CBR4: variants seen among roughly 807,000 people sequenced by gnomAD.
CBR4 encodes the protein carbonyl reductase 4.
In CBR4, 22 loss-of-function variants were observed where a neutral mutation model predicts 21.0. The observed-to-expected ratio is 1.05, with a 90% CI of 0.75 to 1.50. The LOEUF (loss-of-function observed/expected upper bound fraction) is 1.50. Ranked by LOEUF, CBR4 falls within the 40% of genes most tolerant of loss-of-function variation. The pLI is 0.00. For synonymous variants in CBR4, 100 were observed against 104.4 expected, an observed-to-expected ratio of 0.96 and a Z score of 0.26; for missense variants, 302 against 286.3, an observed-to-expected ratio of 1.05 and a Z score of -0.40.
chr4:168,956,591 C>T (rs1260113052), intron 2 of CBR4, among the ~76,000 whole-genome samples: 4 of 115,124 alleles, frequency 3.5e-5, no homozygotes, highest in Non-Finnish European at 6.9e-5. Flanking sequence ...CAGCCAGACC[C>T]TGTCTCAAAA....
At position 169,010,045 on chromosome 4, in the gene CBR4, G is replaced by C; in HGVS notation, c.45C>G (p.Gly15=). 3 of 1,613,908 alleles carry C rather than the reference G, an allele frequency of 1.9e-6. No individual in the cohort carries two copies. The highest frequency in any genetic ancestry group is 2.5e-6 in the Non-Finnish European group (3 of 1,179,972). ...GGGCCATTAACTGGGCCACAGCTCT[G>C]CCAATGCCTCGGGAGCCTCCAAAAA... ...CAVFGGSRGI[G]RAVAQLMARK... Residue 15 remains glycine, a synonymous_variant, in exon 1 of 5, where the codon GGC becomes GGG. Coordinates refer to ENST00000306193, the MANE Select transcript of CBR4 (RefSeq NM_032783.5).
intron 4 of CBR4, among the ~76,000 whole-genome samples, chr4:168,996,024 GA>G (rs1407296058): frequency 3.9e-5 from 6 of 152,160 alleles, no homozygotes; most frequent in Admixed American, 6.5e-5. Flanking sequence ...CACCTCGAAT[GA>G]AAAGTCTCCC....
chr4:168,973,952 T>G (rs1181411158), intron 2 of CBR4, among the ~76,000 whole-genome samples: 1 of 152,198 alleles, frequency 6.6e-6, no homozygotes, highest in Non-Finnish European at 1.5e-5. Context: ...ACTATTCTAT[T>G]CATCATGCTA....
intron 2 of CBR4, chr4:168,927,628 A>AAAT (rs554543047): frequency 8.8e-6 from 2 of 227,370 alleles, no homozygotes; most frequent in Non-Finnish European, 1.8e-5. Flanking sequence ...TGGTAAATGA[A>AAAT]AATTATTAGT....
intron 2 of CBR4, among the ~76,000 whole-genome samples, chr4:168,919,046 T>A (rs1760853796): frequency 6.6e-6 from 1 of 152,112 alleles, no homozygotes; most frequent in South Asian, 2.1e-4. Flanking sequence ...AAATGATGGG[T>A]ATATACACAC....
chr4:168,946,891 T>G (rs1420750363), intron 2 of CBR4, among the ~76,000 whole-genome samples: 1 of 152,172 alleles, frequency 6.6e-6, no homozygotes, highest in East Asian at 1.9e-4. Flanking sequence ...CATCCCACAG[T>G]GAAGACTACT....
intron 2 of CBR4, among the ~76,000 whole-genome samples, chr4:168,961,571 A>T (rs1763854913): frequency 6.6e-6 from 1 of 152,164 alleles, no homozygotes; most frequent in African/African-American, 2.4e-5. Flanking sequence ...AAATAGCTTT[A>T]AAAACACTAT....
At chr4:168,927,846 T>G (rs372204597) in intron 2 of CBR4, 11 of 213,290 alleles carry the variant, frequency 5.2e-5, no homozygotes, top group South Asian at 3.7e-4. Context: ...GTATAAAACA[T>G]GAGGCTTTAA....
chr4:168,979,982 T>C (rs1408084185), intron 2 of CBR4, among the ~76,000 whole-genome samples: 1 of 152,060 alleles, frequency 6.6e-6, no homozygotes, highest in Non-Finnish European at 1.5e-5. Flanking sequence ...CCCCTGCTCT[T>C]CACCAGGCAG....
At chr4:168,958,004 C>T (rs1280690818) in intron 2 of CBR4, among the ~76,000 whole-genome samples, 2 of 152,138 alleles carry the variant, frequency 1.3e-5, no homozygotes, top group African/African-American at 4.8e-5. Flanking sequence ...CCCAGCCCTG[C>T]GGAACTATGA....
At chr4:168,905,394 C>T (rs917124328) in intron 2 of CBR4, among the ~76,000 whole-genome samples, 12 of 151,564 alleles carry the variant, frequency 7.9e-5, no homozygotes, top group African/African-American at 1.5e-4. Context: ...GTGATCCGCC[C>T]GCCTCGGCCT....
chr4:168,931,528 C>A (rs1200771803), intron 2 of CBR4, among the ~76,000 whole-genome samples: 2 of 152,014 alleles, frequency 1.3e-5, no homozygotes, highest in Non-Finnish European at 2.9e-5. Flanking sequence ...ATGGGGTCAA[C>A]CCCCATGGAC....
intron 2 of CBR4, among the ~76,000 whole-genome samples, chr4:168,958,195 C>T (rs1268675756): frequency 6.6e-6 from 1 of 151,454 alleles, no homozygotes; most frequent in Non-Finnish European, 1.5e-5. Context: ...ACCCAAGAGG[C>T]GGAGGTTGCA....
rs1764749607 is a variant in CBR4, at chr4:168,987,986, TG to T, written c.*2163del. ...GTTAATGCTAAGCACAGAACCCTTA[TG>T]GGCTCATAGGAGTCAGCAAACAGCT... On this transcript the variant is annotated 3_prime_UTR_variant, in exon 5 of 5. Transcript: ENST00000306193. 1.0e-6 allele frequency: 1 copy of T among 985,458 alleles called. No individual in the cohort carries two copies. Among genetic ancestry groups the T allele is most frequent in the East Asian group, 1.1e-4 (1 of 8,814 alleles). The allele number at this position is 985,458 out of a possible 1,614,324, so 61.0% of individuals were successfully genotyped here.
chr4:168,900,648 C>A (rs759237657), intron 2 of CBR4, among the ~76,000 whole-genome samples: 1 of 152,108 alleles, frequency 6.6e-6, no homozygotes, highest in Non-Finnish European at 1.5e-5. Context: ...TGAATCGCAA[C>A]GCCAAAGTCA....
chr4:168,901,718 C>A (rs1304190470), intron 2 of CBR4, among the ~76,000 whole-genome samples: 1 of 152,022 alleles, frequency 6.6e-6, no homozygotes, highest in Non-Finnish European at 1.5e-5. Context: ...ATTAGCTGAG[C>A]ATGGAGGCGC....
rs976019922 is a variant in CBR4 at position 168,989,360 on chromosome 4, C to T, written c.*790G>A. ...AAACCTTAAGGGCTAATCCTCTTCA[C>T]TTATGAGAATTTCTCAAGAATGAGT... On this transcript the variant is annotated 3_prime_UTR_variant, in exon 5 of 5. Coordinates refer to ENST00000306193, the MANE Select transcript of CBR4 (RefSeq NM_032783.5). 7 of 985,238 alleles carry T rather than the reference C, an allele frequency of 7.1e-6. No homozygotes were observed. Among genetic ancestry groups the T allele is most frequent in the Non-Finnish European group, 1.2e-6 (1 of 829,878 alleles). The allele number at this position is 985,238 out of a possible 1,614,324, so 61.0% of individuals were successfully genotyped here.
chr4:168,925,285 T>C (rs748296390), intron 2 of CBR4: 21 of 1,596,232 alleles, frequency 1.3e-5, no homozygotes, highest in Non-Finnish European at 1.8e-5. Flanking sequence ...CCAAGTATCA[T>C]TCAGGAACTT....
intron 3 of CBR4, 61 bp downstream of exon 3, chr4:169,006,694 T>G: frequency 7.1e-7 from 1 of 1,398,838 alleles, no homozygotes; most frequent in Non-Finnish European, 9.9e-7. Flanking sequence ...ATTCGTGGAT[T>G]AAATATTTTT....
Sources: allele counts gnomAD v4.1 joint callset (sites outside exome capture counted in the v4.1 genomes callset), GRCh38; gene constraint gnomAD v4.1.1; transcripts MANE v1.5; gene names NCBI Gene and HGNC (gene_info 2026-07-23, HGNC 2026-07-21).